The following TANC1 variants were observed in gnomAD, a reference collection of about 807,000 sequenced individuals.
TANC1 encodes protein TANC1.
A neutral mutation model predicts 149.7 loss-of-function variants in TANC1; 77 were observed. That is an observed-to-expected ratio of 0.51 (90% CI 0.43 to 0.62). The LOEUF (loss-of-function observed/expected upper bound fraction) is 0.62. TANC1 is among the 20% of genes least tolerant of loss of function. TANC1 has a pLI of 0.00. For missense variants in TANC1, 1,985 were observed against 2,321.8 expected, an observed-to-expected ratio of 0.85 and a Z score of 2.98; for synonymous variants, 854 against 925.0, an observed-to-expected ratio of 0.92 and a Z score of 1.39.
rs369438690 is a variant in TANC1 at position 159,116,448 on chromosome 2, CAACAACAA to C, written c.259+18617_259+18624del. 7.4e-3 allele frequency among the ~76,000 whole-genome samples: 1,015 copies of C among 137,698 alleles called. 7 individuals are homozygous for C. The highest frequency in any genetic ancestry group is 0.028 in the African/African-American group (958 of 34,550). 90.3% of individuals were successfully genotyped at this position (137,698 alleles called of 152,430 possible). On this transcript the variant is annotated intron_variant, in intron 4 of 26. Transcript: ENST00000263635. ...TCTCAAAAAACAACAACAACAACAA[CAACAACAA>C]AAAAAAAAAAACAAAGGACCTGTTA... is the stretch of plus-strand genomic sequence containing the variant.
chr2:159,224,207 G>T, intron 22 of TANC1, 25 bp from the exon 23 acceptor site: 1 of 1,613,732 alleles, frequency 6.2e-7, no homozygotes, highest in Non-Finnish European at 8.5e-7. Context: ...CCCAGCTGCT[G>T]CTTAGGCTTC....
chr2:159,155,144 G>C (rs1208908401), intron 7 of TANC1, among the ~76,000 whole-genome samples: 1 of 152,142 alleles, frequency 6.6e-6, no homozygotes, highest in Non-Finnish European at 1.5e-5. Flanking sequence ...AATTTAATTT[G>C]TGTTTATGTA....
chr2:159,061,483 C>T (rs371794802), intron 2 of TANC1, among the ~76,000 whole-genome samples: 2 of 152,208 alleles, frequency 1.3e-5, no homozygotes. Context: ...ACAAGCAGGC[C>T]TTGCTAAGGG....
At chr2:159,008,901 A>T (rs941838291) in intron 2 of TANC1, among the ~76,000 whole-genome samples, 2 of 152,154 alleles carry the variant, frequency 1.3e-5, no homozygotes, top group African/African-American at 4.8e-5. Context: ...TTGCAACATC[A>T]GTAACCACCT....
intron 2 of TANC1, among the ~76,000 whole-genome samples, chr2:159,003,729 G>T (rs1262451851): frequency 2.6e-5 from 4 of 152,162 alleles, no homozygotes; most frequent in African/African-American, 9.7e-5. Context: ...CGTTGGATCT[G>T]CTCCAGCTGC....
intron 19 of TANC1, among the ~76,000 whole-genome samples, chr2:159,213,858 G>C (rs1272623418): frequency 3.3e-5 from 5 of 152,260 alleles, no homozygotes; most frequent in Middle Eastern, 3.4e-3. Flanking sequence ...GGGCACAGTG[G>C]CTCGCACCTG....
At chr2:159,146,536 CTTTTTTTTTTT>C (rs35745470) in intron 5 of TANC1, among the ~76,000 whole-genome samples, 1,631 of 78,458 alleles carry the variant, frequency 0.021, 22 homozygotes, top group Non-Finnish European at 0.026. Flanking sequence ...GTCCCTTTTC[CTTTTTTTTTTT>C]TTTTTTTTTT....
At chr2:159,100,727 C>G (rs554599372) in intron 4 of TANC1, among the ~76,000 whole-genome samples, 18 of 152,102 alleles carry the variant, frequency 1.2e-4, no homozygotes, top group Non-Finnish European at 2.2e-4. Context: ...AAGTTTAGGG[C>G]AGAGATGCTG....
intron 5 of TANC1, among the ~76,000 whole-genome samples, chr2:159,144,105 A>G (rs947825565): frequency 6.6e-6 from 1 of 151,972 alleles, no homozygotes; most frequent in Non-Finnish European, 1.5e-5. Context: ...GAAAATAAAA[A>G]TAGAGATGAG....
At position 159,149,202 on chromosome 2, in the gene TANC1, T is replaced by G; in HGVS notation, c.425T>G (p.Leu142Arg). 6.2e-7 allele frequency: 1 copy of G among 1,614,074 alleles called. No homozygotes were observed. The highest frequency in any genetic ancestry group is 8.5e-7 in the Non-Finnish European group (1 of 1,179,952). The change falls in exon 6 of 27, where the codon CTG becomes CGG. Residue 142 changes from leucine (L) to arginine (R), a missense_variant. Physicochemically the swap from Leu to Arg is moderately radical, Grantham distance 102. Coordinates refer to ENST00000263635, the MANE Select transcript of TANC1 (RefSeq NM_033394.3). ...SPAAQELLTR[L>R]GFLLGEGIPS... is the part of the protein sequence containing the mutation. The stretch of plus-strand genomic sequence containing the variant: ...GCAGCTCAAGAACTGTTGACAAGGC[T>G]GGGATTTTTACTGGGAGAAGGGATC...
intron 2 of TANC1, among the ~76,000 whole-genome samples, chr2:159,013,768 G>A (rs1380383902): frequency 6.6e-6 from 1 of 152,196 alleles, no homozygotes; most frequent in Non-Finnish European, 1.5e-5. Flanking sequence ...TTAGTTGCTA[G>A]GGTGGCTATA....
chr2:159,147,905 T>A (rs1039568392), intron 5 of TANC1: 12 of 152,152 alleles, frequency 7.9e-5, no homozygotes, highest in Non-Finnish European at 1.6e-4. Flanking sequence ...AAAACTGATA[T>A]GTGAGTGACA....
intron 7 of TANC1, among the ~76,000 whole-genome samples, chr2:159,154,514 C>G (rs1346616749): frequency 2.0e-5 from 3 of 152,156 alleles, no homozygotes; most frequent in African/African-American, 7.2e-5. Flanking sequence ...ATTTACTGGG[C>G]CCCTCCAGTC....
At chr2:159,005,711 A>T (rs1306604460) in intron 2 of TANC1, among the ~76,000 whole-genome samples, 8 of 152,048 alleles carry the variant, frequency 5.3e-5, no homozygotes, top group Non-Finnish European at 1.2e-4. Flanking sequence ...GAAAGAACTT[A>T]GAACAGTGTA....
chr2:158,990,400 C>G (rs1363648094), intron 1 of TANC1, among the ~76,000 whole-genome samples: 1 of 152,110 alleles, frequency 6.6e-6, no homozygotes, highest in Non-Finnish European at 1.5e-5. Flanking sequence ...TGGTTTCTAT[C>G]CTGGAGGAAC....
chr2:159,168,321 A>G lies in TANC1; in HGVS notation c.947-929A>G, dbSNP rs2054823225. On this transcript the variant is annotated intron_variant, in intron 8 of 26. Coordinates refer to ENST00000263635, the MANE Select transcript of TANC1 (RefSeq NM_033394.3). The stretch of plus-strand genomic sequence containing the variant: ...TTAATTTTTTTTTTTTTTTTTTGAG[A>G]CAGAGTTTTGCTCTGTCACCCAGGC... Among the ~76,000 whole-genome samples, 3 of 119,928 alleles carry G rather than the reference A, an allele frequency of 2.5e-5. No individual in the cohort carries two copies. In the South Asian group the frequency reaches 8.0e-4, roughly 32 times the overall value. 78.7% of individuals were successfully genotyped at this position (119,928 alleles called of 152,430 possible).
At chr2:159,176,152 G>A (rs1032048642) in intron 12 of TANC1, among the ~76,000 whole-genome samples, 200 bp from the exon 13 acceptor site, 1 of 152,194 alleles carries the variant, frequency 6.6e-6, no homozygotes, top group Non-Finnish European at 1.5e-5. Context: ...TGTTTTGTGA[G>A]AATTGGTTTT....
chr2:158,981,477 T>G, intron 1 of TANC1, among the ~76,000 whole-genome samples: 1 of 118,108 alleles, frequency 8.5e-6, no homozygotes, highest in Non-Finnish European at 1.7e-5. Flanking sequence ...AGTTTAGCAA[T>G]TAATATATAG....
At chr2:159,140,221 C>CA (rs768866568) in intron 5 of TANC1, among the ~76,000 whole-genome samples, 2,033 of 117,312 alleles carry the variant, frequency 0.017, 33 homozygotes, top group African/African-American at 0.048. Context: ...GACCCTGTCT[C>CA]AAAAAAAAAA....
Sources: allele counts gnomAD v4.1 joint callset (sites outside exome capture counted in the v4.1 genomes callset), GRCh38; gene constraint gnomAD v4.1.1; transcripts MANE v1.5; gene names NCBI Gene and HGNC (gene_info 2026-07-23, HGNC 2026-07-21).